Variants in SPAG16 observed in about 807,000 individuals in gnomAD.
The protein encoded by SPAG16 is sperm-associated antigen 16 protein.
In SPAG16, 86 loss-of-function variants were observed where a neutral mutation model predicts 80.4. The ratio of observed to expected loss-of-function variants is 1.07; its 90% CI spans 0.90 to 1.28. SPAG16 has a LOEUF of 1.28. Among genes scored for constraint, SPAG16 ranks in the 50% most tolerant of loss-of-function variants. The pLI, the probability that SPAG16 is intolerant of heterozygous loss-of-function variation, is 0.00. For missense variants in SPAG16, 870 were observed against 765.3 expected (o/e 1.14, Z -1.61); for synonymous variants, 294 against 265.9 (o/e 1.11, Z -1.03).
chr2:214,142,931 C>G (rs2055437287), intron 14 of SPAG16, among the ~76,000 whole-genome samples: 1 of 152,138 alleles, frequency 6.6e-6, no homozygotes, highest in Non-Finnish European at 1.5e-5. Context: ...ACCCAAAACC[C>G]AGAGCCTATG....
Position 213,415,279 on chromosome 2 carries a change from T to C in SPAG16, c.942+40160T>C, listed in dbSNP as rs188555194. The stretch of plus-strand genomic sequence containing the variant: ...AGGGAAGCATGCAAGGAGCATGCAG[T>C]GTTGACAGCTGACCTGGGCCAGGCC... On this transcript the variant is annotated intron_variant, in intron 9 of 15. Coordinates refer to ENST00000331683, the MANE Select transcript of SPAG16 (RefSeq NM_024532.5). Among the ~76,000 whole-genome samples the C allele has an allele frequency of 3.3e-5, 5 of 152,304 alleles. No homozygotes were observed. The East Asian group carries it at 9.7e-4, about 29-fold the overall frequency.
At chr2:214,379,317 G>T (rs374539779) in intron 15 of SPAG16, among the ~76,000 whole-genome samples, 27 of 152,254 alleles carry the variant, frequency 1.8e-4, no homozygotes, top group Non-Finnish European at 3.8e-4. Context: ...AACTTCCAAT[G>T]AATTATTTTC....
chr2:213,531,340 G>A (rs935356585), intron 10 of SPAG16, among the ~76,000 whole-genome samples: 1 of 147,124 alleles, frequency 6.8e-6, no homozygotes, highest in Non-Finnish European at 1.5e-5. Flanking sequence ...TTTCTTTTCT[G>A]TTTATTAAAA....
intron 9 of SPAG16, among the ~76,000 whole-genome samples, chr2:213,426,145 T>C (rs187217278): frequency 6.6e-6 from 1 of 152,322 alleles, no homozygotes; most frequent in East Asian, 1.9e-4. Context: ...GTACTTATTT[T>C]CAGCCTATAT....
chr2:214,093,447 T>A (rs2052359839), intron 13 of SPAG16, among the ~76,000 whole-genome samples: 1 of 152,006 alleles, frequency 6.6e-6, no homozygotes, highest in Admixed American at 6.6e-5. Context: ...ATATTTCACT[T>A]GATTAAAATA....
At chr2:214,143,493 G>T (rs1422113487) in intron 14 of SPAG16, among the ~76,000 whole-genome samples, 2 of 152,018 alleles carry the variant, frequency 1.3e-5, no homozygotes, top group African/African-American at 4.8e-5. Context: ...GTGAGAGTCA[G>T]CTGTGACATT....
intron 10 of SPAG16, among the ~76,000 whole-genome samples, chr2:213,734,861 G>T (rs1418994310): frequency 1.3e-5 from 2 of 152,036 alleles, no homozygotes; most frequent in Non-Finnish European, 2.9e-5. Context: ...AAAATAAAAT[G>T]ATGGCTTTGT....
At chr2:214,034,910 G>A (rs758500130) in intron 13 of SPAG16, among the ~76,000 whole-genome samples, 10 of 152,162 alleles carry the variant, frequency 6.6e-5, no homozygotes, top group Admixed American at 1.3e-4. Context: ...CCTGCCATTC[G>A]GCAGGTCCTG....
intron 9 of SPAG16, among the ~76,000 whole-genome samples, chr2:213,466,641 T>C (rs966411717): frequency 9.9e-5 from 15 of 152,186 alleles, no homozygotes; most frequent in African/African-American, 3.4e-4. Flanking sequence ...TTCACTGAAG[T>C]CTGACAGAGC....
chr2:214,251,333 T>C (rs1294900771), intron 15 of SPAG16, among the ~76,000 whole-genome samples: 2 of 151,632 alleles, frequency 1.3e-5, no homozygotes, highest in Non-Finnish European at 2.9e-5. Context: ...ATTTCAAGAA[T>C]TAAAAGTAAT....
At chr2:213,836,080 G>A (rs913172786) in intron 10 of SPAG16, among the ~76,000 whole-genome samples, 9 of 151,622 alleles carry the variant, frequency 5.9e-5, no homozygotes, top group Admixed American at 2.6e-4. Flanking sequence ...GTCACTAACC[G>A]TATCTAGAAG....
intron 13 of SPAG16, among the ~76,000 whole-genome samples, chr2:214,074,989 C>A (rs2050997380): frequency 6.6e-6 from 1 of 152,026 alleles, no homozygotes; most frequent in African/African-American, 2.4e-5. Context: ...ACAGTAGAGT[C>A]AGTAAATAAA....
intron 1 of SPAG16, among the ~76,000 whole-genome samples, chr2:213,288,398 G>A (rs1447897936): frequency 7.9e-5 from 12 of 152,108 alleles, no homozygotes; most frequent in Non-Finnish European, 1.3e-4. Context: ...TCTGCCTCCC[G>A]GATTCGTGCC....
At position 214,168,206 on chromosome 2, in the gene SPAG16, G is replaced by A. The variant is rs138581809; in HGVS notation, c.1720+18940G>A. ...GGAAATTCACCATATTGGCCAGGCT[G>A]ATCTCAAACTCCTGACCTCAAGTGA... is the stretch of plus-strand genomic sequence containing the variant. On this transcript the variant is annotated intron_variant, in intron 15 of 15. Transcript: ENST00000331683. 2.5e-4 allele frequency among the ~76,000 whole-genome samples: 38 copies of A among 151,886 alleles called. No homozygotes were observed. The East Asian group carries it at 6.0e-3, about 24-fold the overall frequency.
intron 15 of SPAG16, among the ~76,000 whole-genome samples, chr2:214,216,516 T>G (rs2058437339): frequency 6.6e-6 from 1 of 152,154 alleles, no homozygotes; most frequent in African/African-American, 2.4e-5. Flanking sequence ...GAGATGGGGT[T>G]CCACCGTGTT....
chr2:214,103,178 C>G (rs191091655), intron 13 of SPAG16, among the ~76,000 whole-genome samples: 1 of 152,156 alleles, frequency 6.6e-6, no homozygotes, highest in Non-Finnish European at 1.5e-5. Context: ...TCCCTGGGGC[C>G]TGCATTCAAT....
chr2:214,187,195 C>T (rs932092606), intron 15 of SPAG16, among the ~76,000 whole-genome samples: 13 of 151,376 alleles, frequency 8.6e-5, no homozygotes, highest in South Asian at 2.1e-4. Flanking sequence ...AGTACATACA[C>T]CAATATATAT....
intron 13 of SPAG16, among the ~76,000 whole-genome samples, chr2:214,054,923 T>G (rs1040332141): frequency 2.0e-5 from 3 of 152,198 alleles, no homozygotes; most frequent in East Asian, 1.9e-4. Flanking sequence ...GGAGATTTGC[T>G]GAGACCCATA....
intron 12 of SPAG16, among the ~76,000 whole-genome samples, chr2:213,940,623 A>AT (rs2079159248): frequency 1.3e-5 from 2 of 152,162 alleles, no homozygotes; most frequent in Non-Finnish European, 2.9e-5. Flanking sequence ...TTTAGAAAAT[A>AT]TTAATGCCAG....
Sources: allele counts gnomAD v4.1 joint callset (sites outside exome capture counted in the v4.1 genomes callset), GRCh38; gene constraint gnomAD v4.1.1; transcripts MANE v1.5; gene names NCBI Gene and HGNC (gene_info 2026-07-23, HGNC 2026-07-21).